Variants in TAF4B observed in about 807,000 individuals in gnomAD.
TAF4B encodes TATA-box binding protein associated factor 4b.
In TAF4B, 38 loss-of-function variants were observed where a neutral mutation model predicts 86.4. That is an observed-to-expected ratio of 0.44 (90% confidence interval 0.34 to 0.58). The LOEUF (loss-of-function observed/expected upper bound fraction) is 0.58, where lower values mean the gene tolerates loss of function less well. Among genes scored for constraint, TAF4B ranks in the 20% least tolerant of loss-of-function variants. TAF4B has a pLI of 0.02. For missense variants in TAF4B, 988 were observed against 1,027.6 expected, an observed-to-expected ratio of 0.96 and a Z score of 0.53; for synonymous variants, 388 against 391.2, an observed-to-expected ratio of 0.99 and a Z score of 0.10.
intron 13 of TAF4B, among the ~76,000 whole-genome samples, chr18:26,339,815 G>T (rs2057122626): frequency 6.6e-6 from 1 of 152,176 alleles, no homozygotes; most frequent in Non-Finnish European, 1.5e-5. Flanking sequence ...GTCTGACTTT[G>T]CAGTTGAAAC....
rs1042231682 is a variant in TAF4B, at chr18:26,226,861, G to A, written c.-73G>A. 6 of 1,229,248 alleles carry A rather than the reference G, an allele frequency of 4.9e-6. No individual in the cohort carries two copies. The highest frequency in any genetic ancestry group is 6.3e-6 in the Non-Finnish European group (6 of 958,488). The allele number at this position is 1,229,248 out of a possible 1,614,324, so 76.1% of individuals were successfully genotyped here. A position where few individuals can be genotyped will look rare whatever the true frequency, so the allele number is the denominator to read the frequency against. Reference sequence around the variant, plus strand: ...AACCCGAACCGCACCGGAGTCGGCTGCCGCGCGCCAAGCCTCCCCTCACCT... The same window carrying A: ...AACCCGAACCGCACCGGAGTCGGCTACCGCGCGCCAAGCCTCCCCTCACCT... On this transcript the variant is annotated 5_prime_UTR_variant, in exon 1 of 15. Coordinates refer to ENST00000269142, the MANE Select transcript of TAF4B (RefSeq NM_005640.3).
At chr18:26,346,332 A>T (rs1427682059) in intron 13 of TAF4B, among the ~76,000 whole-genome samples, 1 of 151,550 alleles carries the variant, frequency 6.6e-6, no homozygotes, top group Non-Finnish European at 1.5e-5. Context: ...CCCCAAAAAA[A>T]GAATGAAGAA....
intron 2 of TAF4B, 140 bp from the exon 3 acceptor site, chr18:26,267,376 G>T: frequency 1.6e-6 from 1 of 606,458 alleles, no homozygotes; most frequent in South Asian, 2.2e-5. Flanking sequence ...TATAGAATGT[G>T]CATAAAACAC....
intron 14 of TAF4B, among the ~76,000 whole-genome samples, chr18:26,365,151 C>T (rs915757177): frequency 6.6e-6 from 1 of 151,820 alleles, no homozygotes; most frequent in Admixed American, 6.6e-5. Context: ...GAACTACAGG[C>T]GCATGCCACC....
chr18:26,385,088 G>A (rs527659497), intron 14 of TAF4B, among the ~76,000 whole-genome samples: 91 of 152,248 alleles, frequency 6.0e-4, no homozygotes, highest in Middle Eastern at 3.4e-3. Flanking sequence ...CAGGATTCCC[G>A]AAGCCACTGG....
At chr18:26,343,993 A>T (rs573064084) in intron 13 of TAF4B, among the ~76,000 whole-genome samples, 1 of 152,346 alleles carries the variant, frequency 6.6e-6, no homozygotes, top group Non-Finnish European at 1.5e-5. Flanking sequence ...CAAACACACT[A>T]CTATAAAAAT....
At chr18:26,360,036 T>C (rs1445801109) in intron 14 of TAF4B, among the ~76,000 whole-genome samples, 1 of 152,152 alleles carries the variant, frequency 6.6e-6, no homozygotes, top group Non-Finnish European at 1.5e-5. Flanking sequence ...CAATATATGC[T>C]TAATCTTGTT....
intron 13 of TAF4B, among the ~76,000 whole-genome samples, chr18:26,341,611 A>C (rs2057136911): frequency 6.6e-6 from 1 of 152,146 alleles, no homozygotes; most frequent in Admixed American, 6.5e-5. Flanking sequence ...TTGACCAGCA[A>C]GGCACCACAG....
chr18:26,236,969 G>A (rs1031802663), intron 1 of TAF4B, among the ~76,000 whole-genome samples: 1 of 152,142 alleles, frequency 6.6e-6, no homozygotes, highest in African/African-American at 2.4e-5. Flanking sequence ...GTAGCCGCTG[G>A]AGCAAGGCAG....
chr18:26,240,641 G>A (rs2055822885), intron 1 of TAF4B, among the ~76,000 whole-genome samples: 1 of 152,230 alleles, frequency 6.6e-6, no homozygotes, highest in African/African-American at 2.4e-5. Context: ...AGTGGTGAGA[G>A]AGGGCATCCC....
chr18:26,262,976 T>C (rs1005239429), intron 1 of TAF4B, among the ~76,000 whole-genome samples: 5 of 152,020 alleles, frequency 3.3e-5, no homozygotes, highest in Non-Finnish European at 7.4e-5. Flanking sequence ...TTAGAGACAG[T>C]GTTGTGCTCT....
intron 7 of TAF4B, among the ~76,000 whole-genome samples, chr18:26,291,763 T>C (rs2056597133): frequency 6.6e-6 from 1 of 151,566 alleles, no homozygotes; most frequent in African/African-American, 2.4e-5. Context: ...AGTCCTTACC[T>C]TTTAAAGATA....
intron 14 of TAF4B, among the ~76,000 whole-genome samples, chr18:26,360,375 T>TTACATTTTTCAATCCATTAAGGAAA (rs1396462768): frequency 6.6e-6 from 1 of 152,126 alleles, no homozygotes; most frequent in East Asian, 1.9e-4. Context: ...TCCCATGGAG[T>TTACATTTTTCAATCCATTAAGGAAA]TACATTTTTC....
Position 26,267,542 on chromosome 18 carries a change from A to C in TAF4B, c.516A>C (p.Lys172Asn), listed in dbSNP as rs2056257007. The C allele has an allele frequency of 6.2e-7, 1 of 1,614,184 alleles. No individual in the cohort carries two copies. Among genetic ancestry groups the C allele is most frequent in the Non-Finnish European group, 8.5e-7 (1 of 1,180,000 alleles). The change falls in exon 3 of 15, where the codon AAA (lysine) becomes AAC (asparagine). Residue 172 changes from lysine to asparagine, a missense_variant. By Grantham distance (94) the Lys-to-Asn change is moderately conservative. Transcript: ENST00000269142. ...ACTCTAGCTCACAATTAATCAAGAAAGTGGCAGTGACACCTGTTAAAAAAT... is the reference window on the plus strand; with the variant it reads ...ACTCTAGCTCACAATTAATCAAGAACGTGGCAGTGACACCTGTTAAAAAAT... ...VPNSSSQLIK[K>N]VAVTPVKKLA...
At chr18:26,280,463 CA>C (rs2056434379) in intron 5 of TAF4B, among the ~76,000 whole-genome samples, 1 of 151,898 alleles carries the variant, frequency 6.6e-6, no homozygotes, top group African/African-American at 2.4e-5. Context: ...TAAAAATCAA[CA>C]AGAAAAAACC....
At chr18:26,346,845 G>GTATATATATATGTGTA (rs1567913999) in intron 13 of TAF4B, among the ~76,000 whole-genome samples, 3 of 13,964 alleles carry the variant, frequency 2.1e-4, no homozygotes, top group African/African-American at 4.3e-4. Flanking sequence ...ATGTGTGTGT[G>GTATATATATATGTGTA]TATATATATA....
intron 9 of TAF4B, among the ~76,000 whole-genome samples, chr18:26,310,019 C>G (rs1022690078): frequency 6.6e-6 from 1 of 152,064 alleles, no homozygotes; most frequent in Non-Finnish European, 1.5e-5. Context: ...GATGGGGTTT[C>G]ACCATATTGG....
chr18:26,241,597 C>G (rs536037840), intron 1 of TAF4B, among the ~76,000 whole-genome samples: 3 of 152,184 alleles, frequency 2.0e-5, no homozygotes, highest in East Asian at 1.9e-4. Flanking sequence ...CAGTTCTGCT[C>G]TGATCTTAGT....
intron 1 of TAF4B, among the ~76,000 whole-genome samples, chr18:26,247,871 G>T (rs2055949597): frequency 6.6e-6 from 1 of 151,238 alleles, no homozygotes; most frequent in Non-Finnish European, 1.5e-5. Flanking sequence ...ACAAGACTCT[G>T]TCTCAAAAAA....
Sources: allele counts gnomAD v4.1 joint callset (sites outside exome capture counted in the v4.1 genomes callset), GRCh38; gene constraint gnomAD v4.1.1; transcripts MANE v1.5; gene names NCBI Gene and HGNC (gene_info 2026-07-23, HGNC 2026-07-21).